The following LRRC69 variants were observed in gnomAD, a reference collection of about 807,000 sequenced individuals.
The protein encoded by LRRC69 is leucine rich repeat containing 69, also known as leucine-rich repeat-containing protein 69.
LRRC69 carries 42 observed loss-of-function variants against 37.8 expected under a neutral mutation model. The ratio of observed to expected loss-of-function variants is 1.11; its 90% CI spans 0.87 to 1.44. The LOEUF (loss-of-function observed/expected upper bound fraction) is 1.44, where lower values mean the gene tolerates loss of function less well. LRRC69 is among the 40% of genes most tolerant of loss of function. The pLI is 0.00. For missense variants in LRRC69, 357 were observed against 401.9 expected (o/e 0.89, Z 0.96); for synonymous variants, 141 against 143.1 (o/e 0.99, Z 0.11).
At chr8:91,192,766 G>T (rs1418867910) in intron 6 of LRRC69, among the ~76,000 whole-genome samples, 1 of 150,828 alleles carries the variant, frequency 6.6e-6, no homozygotes, top group South Asian at 2.1e-4. Context: ...AGATGAGTAG[G>T]TTGCAAAAAT....
intron 5 of LRRC69, among the ~76,000 whole-genome samples, chr8:91,160,381 C>T (rs543698989): frequency 2.0e-5 from 3 of 150,500 alleles, no homozygotes; most frequent in South Asian, 2.1e-4. Context: ...TCATTCCTTA[C>T]TATTTCTTTG....
At chr8:91,196,908 G>A (rs970188212) in intron 6 of LRRC69, among the ~76,000 whole-genome samples, 4 of 152,160 alleles carry the variant, frequency 2.6e-5, no homozygotes, top group African/African-American at 9.7e-5. Flanking sequence ...TTTGGAGGAG[G>A]AGAGGCGCTC....
chr8:91,209,243 A>G (rs1563626894), intron 7 of LRRC69, among the ~76,000 whole-genome samples: 1 of 152,038 alleles, frequency 6.6e-6, no homozygotes, highest in South Asian at 2.1e-4. Context: ...CCTGACCAAC[A>G]TGGTGAAACC....
chr8:91,149,029 A>G (rs1205601605), intron 5 of LRRC69, among the ~76,000 whole-genome samples: 2 of 150,742 alleles, frequency 1.3e-5, no homozygotes, highest in African/African-American at 4.8e-5. Context: ...CCCATTTTGT[A>G]GGTTGCCTGT....
chr8:91,197,694 G>T (rs1390976278), intron 6 of LRRC69, among the ~76,000 whole-genome samples: 1 of 152,120 alleles, frequency 6.6e-6, no homozygotes, highest in Non-Finnish European at 1.5e-5. Flanking sequence ...GCCTCACCCT[G>T]CTTCGGCTCG....
chr8:91,188,430 C>T (rs1242919947), intron 5 of LRRC69, among the ~76,000 whole-genome samples: 1 of 152,130 alleles, frequency 6.6e-6, no homozygotes, highest in African/African-American at 2.4e-5. Flanking sequence ...TTTTGCACAT[C>T]CCTTCCCAAA....
intron 6 of LRRC69, among the ~76,000 whole-genome samples, chr8:91,191,573 C>G (rs917331807): frequency 6.6e-6 from 1 of 152,070 alleles, no homozygotes; most frequent in Non-Finnish European, 1.5e-5. Context: ...GGGACAATGA[C>G]GCCAACTTAA....
intron 7 of LRRC69, among the ~76,000 whole-genome samples, chr8:91,211,812 T>C (rs973170612): frequency 6.6e-6 from 1 of 151,892 alleles, no homozygotes; most frequent in African/African-American, 2.4e-5. Flanking sequence ...CTGCTTCTTA[T>C]GGGGTTTACA....
chr8:91,138,011 C>T (rs1036754856), intron 5 of LRRC69, among the ~76,000 whole-genome samples: 7 of 151,958 alleles, frequency 4.6e-5, no homozygotes, highest in South Asian at 2.1e-4. Flanking sequence ...TTTCTAAATT[C>T]GTAATCTCAA....
chr8:91,205,242 G>A (rs1809784441), intron 7 of LRRC69, among the ~76,000 whole-genome samples: 2 of 152,078 alleles, frequency 1.3e-5, no homozygotes, highest in Admixed American at 6.5e-5. Context: ...CACAATATAT[G>A]AGCCAGAAAA....
chr8:91,173,858 G>A (rs971291676), intron 5 of LRRC69, among the ~76,000 whole-genome samples: 19 of 151,714 alleles, frequency 1.3e-4, no homozygotes, highest in African/African-American at 4.1e-4. Flanking sequence ...GCCCTACCTC[G>A]ATACTATCAT....
intron 5 of LRRC69, among the ~76,000 whole-genome samples, chr8:91,182,841 T>A (rs1809345948): frequency 4.6e-5 from 7 of 152,168 alleles, no homozygotes; most frequent in Admixed American, 3.9e-4. Flanking sequence ...TAATTAACAT[T>A]TTAAATGTAT....
chr8:91,126,437 A>C (rs1310648224), intron 2 of LRRC69, among the ~76,000 whole-genome samples: 2 of 152,044 alleles, frequency 1.3e-5, no homozygotes, highest in Admixed American at 6.6e-5. Context: ...AGGAGAGTTC[A>C]CAAAGAAGTC....
intron 1 of LRRC69, among the ~76,000 whole-genome samples, chr8:91,103,204 A>G (rs963170693): frequency 6.6e-6 from 1 of 152,142 alleles, no homozygotes; most frequent in African/African-American, 2.4e-5. Context: ...AGGATCCAGG[A>G]GATGCTGTTC....
intron 5 of LRRC69, among the ~76,000 whole-genome samples, chr8:91,160,076 G>T (rs994364856): frequency 2.6e-5 from 4 of 150,958 alleles, no homozygotes; most frequent in African/African-American, 9.7e-5. Flanking sequence ...GCAGTATTTT[G>T]TAGGTATCAT....
intron 5 of LRRC69, among the ~76,000 whole-genome samples, chr8:91,165,108 CA>C (rs1809005838): frequency 6.6e-6 from 1 of 151,606 alleles, no homozygotes; most frequent in Non-Finnish European, 1.5e-5. Flanking sequence ...GAACAATTGG[CA>C]ACATCTGTAG....
chr8:91,218,524 T>C (rs1237090096), intron 7 of LRRC69, among the ~76,000 whole-genome samples: 2 of 152,108 alleles, frequency 1.3e-5, no homozygotes, highest in African/African-American at 4.8e-5. Flanking sequence ...CATTAAGAAG[T>C]TCAGTACGTA....
chr8:91,164,099 G>C (rs1301207648), intron 5 of LRRC69, among the ~76,000 whole-genome samples: 1 of 151,320 alleles, frequency 6.6e-6, no homozygotes, highest in Admixed American at 6.6e-5. Flanking sequence ...TATGAAGTGG[G>C]ATCAAATAAA....
chr8:91,148,849 T>C lies in LRRC69; in HGVS notation c.651+13110T>C, dbSNP rs919925165. Among the ~76,000 whole-genome samples the C allele has an allele frequency of 1.7e-4, 26 of 152,202 alleles. No homozygotes were observed. The Middle Eastern group carries it at 0.01, about 60-fold the overall frequency. ...TGATGGTCAGTGATGATGAGCATTT[T>C]TTCATGTGTCTTTTGGCGGCATAAA... On this transcript the variant is annotated intron_variant, in intron 5 of 7. Coordinates refer to ENST00000448384, the Ensembl canonical transcript of LRRC69.
Sources: allele counts gnomAD v4.1 joint callset (sites outside exome capture counted in the v4.1 genomes callset), GRCh38; gene constraint gnomAD v4.1.1; transcripts MANE v1.5; gene names NCBI Gene and HGNC (gene_info 2026-07-23, HGNC 2026-07-21).